C5: variants seen among roughly 807,000 people sequenced by gnomAD.
C5 encodes C3 and PZP-like alpha-2-macroglobulin domain-containing protein 4.
Under a neutral mutation model 218.8 loss-of-function variants are expected in C5, and 140 were observed. The observed-to-expected ratio is 0.64, with a 90% CI of 0.56 to 0.74. The LOEUF (loss-of-function observed/expected upper bound fraction) is 0.74. C5 is among the 30% of genes least tolerant of loss of function. The probability of loss-of-function intolerance (pLI) is 0.00; values close to 1 mark genes in which losing one functional copy is unlikely to be tolerated. For missense variants in C5, 1,700 were observed against 1,969.6 expected (o/e 0.86, Z 2.59); for synonymous variants, 614 against 682.3 (o/e 0.90, Z 1.56).
intron 16 of C5, among the ~76,000 whole-genome samples, chr9:121,014,369 T>C (rs2047288752): frequency 6.6e-6 from 1 of 152,138 alleles, no homozygotes; most frequent in African/African-American, 2.4e-5. Context: ...CAGAAAAATA[T>C]AGAAAAAGAA....
intron 31 of C5, 48 bp from the exon 32 acceptor site, chr9:120,970,299 G>T: frequency 7.8e-7 from 1 of 1,283,276 alleles, no homozygotes; most frequent in Non-Finnish European, 1.1e-6. Context: ...AAGTGGGAAA[G>T]TGACAAAGGT....
At chr9:121,008,189 C>T (rs1315163898) in intron 18 of C5, among the ~76,000 whole-genome samples, 1 of 151,990 alleles carries the variant, frequency 6.6e-6, no homozygotes, top group East Asian at 1.9e-4. Flanking sequence ...TGGAATAGCA[C>T]CCTTCTTCAT....
chr9:121,068,284 G>T, the C5 span, among the ~76,000 whole-genome samples: 1 of 152,058 alleles, frequency 6.6e-6, no homozygotes, highest in Non-Finnish European at 1.5e-5. Flanking sequence ...ATTCAGTAAA[G>T]TTGCAGAGTA....
intron 20 of C5, among the ~76,000 whole-genome samples, chr9:121,002,238 G>GTATATGTATATATATGTA (rs1431421968): frequency 1.7e-5 from 1 of 58,558 alleles, no homozygotes; most frequent in African/African-American, 3.6e-5. Flanking sequence ...ATGTATATAT[G>GTATATGTATATATATGTA]TATATGTATA....
the C5 span, among the ~76,000 whole-genome samples, chr9:121,057,208 A>G: frequency 1.3e-5 from 2 of 152,208 alleles, no homozygotes; most frequent in Non-Finnish European, 2.9e-5. Context: ...ATCTTATAGG[A>G]AATGCTAAAG....
In C5 at chr9:121,027,293, A is replaced by T. The variant is rs2131789004; in HGVS notation, c.759-19T>A. On this transcript the variant is annotated intron_variant, in intron 7 of 40. Transcript: ENST00000223642. ...AAAATATCTGTCAGACAATAGCATA[A>T]AACTGTTTTACTAACATGGTTACAA... The T allele has an allele frequency of 8.8e-7, 1 of 1,140,750 alleles. No individual in the cohort carries two copies. Among genetic ancestry groups the T allele is most frequent in the Non-Finnish European group, 1.3e-6 (1 of 758,352 alleles). The allele number at this position is 1,140,750 out of a possible 1,614,324, so 70.7% of individuals were successfully genotyped here. A position where few individuals can be genotyped will look rare whatever the true frequency, so the allele number is the denominator to read the frequency against.
At chr9:121,052,655 A>AG (rs548979578), upstream of C5, among the ~76,000 whole-genome samples, 149 of 152,062 alleles carry the variant, frequency 9.8e-4, no homozygotes, top group African/African-American at 3.5e-3. Flanking sequence ...GACCTAGCCT[A>AG]GTGCACCAGG....
chr9:120,977,979 C>T (rs970341886), intron 28 of C5, among the ~76,000 whole-genome samples: 1 of 151,922 alleles, frequency 6.6e-6, no homozygotes, highest in African/African-American at 2.4e-5. Flanking sequence ...TAGAAAGCAC[C>T]ATGCATATAT....
At chr9:121,063,615 A>G in the C5 span, among the ~76,000 whole-genome samples, 1 of 152,116 alleles carries the variant, frequency 6.6e-6, no homozygotes, top group East Asian at 1.9e-4. Flanking sequence ...GAATTTAAAA[A>G]ATTTAAAATT....
intron 11 of C5, 81 bp downstream of exon 11, chr9:121,021,428 C>T: frequency 8.9e-7 from 1 of 1,125,408 alleles, no homozygotes. Flanking sequence ...AAATCTGCCG[C>T]ATCTGTTCTG....
Position 120,974,824 on chromosome 9 carries a change from A to G in C5, c.3972T>C (p.His1324=), listed in dbSNP as rs2046940900. Residue 1324 remains histidine, a synonymous_variant, in exon 30 of 41, where the codon CAT becomes CAC. Transcript: ENST00000223642. ...DVSYKHKGAL[H]NYKMTDKNFL... ...AATTCTTGTCTGTCATTTTATAATT[A>G]TGTAAGGCACCTTTATGCTTGTAAG... The G allele has an allele frequency of 1.5e-5, 25 of 1,614,070 alleles. No homozygotes were observed. The highest frequency in any genetic ancestry group is 2.1e-5 in the Non-Finnish European group (25 of 1,179,886).
At chr9:121,036,412 T>C (rs553916113) in intron 4 of C5, among the ~76,000 whole-genome samples, 1 of 152,306 alleles carries the variant, frequency 6.6e-6, no homozygotes, top group African/African-American at 2.4e-5. Context: ...GGTTATGCCA[T>C]GATTCTGCAT....
chr9:121,046,685 C>A (rs2300934), intron 1 of C5, among the ~76,000 whole-genome samples: 54,017 of 151,968 alleles, frequency 0.36, 11,898 homozygotes, highest in South Asian at 0.61. Context: ...TTGACCAGAA[C>A]ATGTAAATGG....
At chr9:121,017,184 C>A (rs1325062223) in intron 14 of C5, among the ~76,000 whole-genome samples, 178 bp downstream of exon 14, 1 of 152,100 alleles carries the variant, frequency 6.6e-6, no homozygotes, top group African/African-American at 2.4e-5. Context: ...ATTTGAAAAA[C>A]AAAAGAGGAT....
In C5 at chr9:120,989,554, CTT is replaced by C. The variant is rs762749415; in HGVS notation, c.3154+12_3154+13del. On this transcript the variant is annotated intron_variant, in intron 24 of 40. Transcript: ENST00000223642. ...AATCACCCAATTTTTATGTGAAATA[CTT>C]TTTTTTTTTACCTTCTTTTAATTTT... 7.5e-5 allele frequency: 86 copies of C among 1,148,372 alleles called. No individual in the cohort carries two copies. The highest frequency in any genetic ancestry group is 8.5e-5 in the Admixed American group (4 of 46,888). The allele number at this position is 1,148,372 out of a possible 1,614,324, so 71.1% of individuals were successfully genotyped here.
intron 7 of C5, among the ~76,000 whole-genome samples, chr9:121,028,818 A>T (rs2047448543): frequency 6.6e-6 from 1 of 152,146 alleles, no homozygotes; most frequent in Admixed American, 6.5e-5. Context: ...GTGTACATGT[A>T]CCCTAGAACT....
chr9:120,974,516 C>T (rs1226079278), intron 30 of C5, among the ~76,000 whole-genome samples: 1 of 152,212 alleles, frequency 6.6e-6, no homozygotes, highest in Non-Finnish European at 1.5e-5. Flanking sequence ...CAGGAGGGCC[C>T]CTCTGTACTT....
chr9:121,018,607 A>C (rs55690054), intron 12 of C5, among the ~76,000 whole-genome samples: 15 of 93,816 alleles, frequency 1.6e-4, no homozygotes, highest in African/African-American at 3.5e-4. Context: ...GGAAGGAAGG[A>C]AGGAAGGAAG....
chr9:121,072,229 G>C, the C5 span, among the ~76,000 whole-genome samples: 1 of 152,040 alleles, frequency 6.6e-6, no homozygotes, highest in South Asian at 2.1e-4. Context: ...AGAGAAAAGT[G>C]TTTTGCGCCA....
Sources: allele counts gnomAD v4.1 joint callset (sites outside exome capture counted in the v4.1 genomes callset), GRCh38; gene constraint gnomAD v4.1.1; transcripts MANE v1.5; gene names NCBI Gene and HGNC (gene_info 2026-07-23, HGNC 2026-07-21).